THEM4: variants seen among roughly 807,000 people sequenced by gnomAD.
THEM4 encodes thioesterase superfamily member 4.
THEM4 carries 22 observed loss-of-function variants against 25.0 expected under a neutral mutation model. The ratio of observed to expected loss-of-function variants is 0.88; its 90% CI spans 0.63 to 1.26. The LOEUF (loss-of-function observed/expected upper bound fraction) is 1.26, where lower values mean the gene tolerates loss of function less well. Ranked by LOEUF, THEM4 falls within the 50% of genes most tolerant of loss-of-function variation. The pLI is 0.00. For missense variants in THEM4, 286 were observed against 300.3 expected, an observed-to-expected ratio of 0.95 and a Z score of 0.35; for synonymous variants, 113 against 105.6, an observed-to-expected ratio of 1.07 and a Z score of -0.43.
At chr1:151,907,063 G>A (rs1558195895) in intron 1 of THEM4, among the ~76,000 whole-genome samples, 1 of 152,070 alleles carries the variant, frequency 6.6e-6, no homozygotes, top group Non-Finnish European at 1.5e-5. Flanking sequence ...GGTCCACACT[G>A]CCTTTATGAG....
chr1:151,893,050 C>T lies in THEM4; in HGVS notation c.286+1958G>A, dbSNP rs900668641. ...TCAGCAACATGAAGGTCACTGGTAC[C>T]TTTGGCAAGAGCTGTTTTGAGGGAG... On this transcript the variant is annotated intron_variant, in intron 2 of 5. Transcript: ENST00000368814. Among the ~76,000 whole-genome samples, 28 of 152,136 alleles carry T rather than the reference C, an allele frequency of 1.8e-4. 1 individual carries two copies. Among genetic ancestry groups the T allele is most frequent in the Admixed American group, 9.2e-4 (14 of 15,270 alleles).
At chr1:151,887,477 A>G (rs1272395305) in intron 4 of THEM4, among the ~76,000 whole-genome samples, 1 of 151,808 alleles carries the variant, frequency 6.6e-6, no homozygotes, top group Non-Finnish European at 1.5e-5. Context: ...AAAAATCAAA[A>G]AGAATAAAAT....
At chr1:151,887,570 A>C (rs547839933) in intron 4 of THEM4, among the ~76,000 whole-genome samples, 89 of 152,258 alleles carry the variant, frequency 5.8e-4, no homozygotes, top group African/African-American at 2.1e-3. Context: ...TAAAGACACA[A>C]ATAAATGGAA....
At chr1:151,892,939 G>A (rs1572078959) in intron 2 of THEM4, among the ~76,000 whole-genome samples, 1 of 152,202 alleles carries the variant, frequency 6.6e-6, no homozygotes, top group African/African-American at 2.4e-5. Flanking sequence ...GGAGGCACCA[G>A]TGAAGTGGAG....
At chr1:151,891,975 A>C (rs1274712114) in intron 2 of THEM4, among the ~76,000 whole-genome samples, 2 of 151,852 alleles carry the variant, frequency 1.3e-5, no homozygotes, top group Non-Finnish European at 2.9e-5. Context: ...TTTTTTTTTG[A>C]GACAGAATCT....
chr1:151,885,665 T>C lies in THEM4; in HGVS notation c.557+2608A>G, dbSNP rs181886690. Among the ~76,000 whole-genome samples the C allele has an allele frequency of 2.6e-5, 4 of 152,370 alleles. No individual in the cohort carries two copies. The East Asian group carries it at 7.7e-4, about 29-fold the overall frequency. On this transcript the variant is annotated intron_variant, in intron 4 of 5. Transcript: ENST00000368814. ...AATCAGGAGCTTCTCAACTCATGTG[T>C]CATGAATGGGTCATTGGCATGCTGA...
chr1:151,877,082 C>G lies in THEM4; in HGVS notation c.601G>C (p.Asp201His), dbSNP rs779478428. 8.7e-6 allele frequency: 14 copies of G among 1,613,560 alleles called. No homozygotes were observed. In the East Asian group the frequency reaches 2.9e-4, roughly 33 times the overall value. Residue 201 changes from aspartate (D) to histidine (H), a missense_variant, in exon 5 of 6, where the codon GAT becomes CAT. By Grantham distance (81) the Asp-to-His change is moderately conservative. Coordinates refer to ENST00000368814, the MANE Select transcript of THEM4 (RefSeq NM_053055.5). ...CSVVMINSQL[D>H]KVEGRKFFVS... is the part of the protein sequence containing the mutation. Reference sequence around the variant, plus strand: ...AAAAATTTCCTTCCTTCAACTTTATCAAGTTGGCTATTTATCATAACAACA... The same window carrying G: ...AAAAATTTCCTTCCTTCAACTTTATGAAGTTGGCTATTTATCATAACAACA...
chr1:151,901,328 A>T (rs544698466), intron 1 of THEM4, among the ~76,000 whole-genome samples: 7 of 152,346 alleles, frequency 4.6e-5, no homozygotes, highest in African/African-American at 1.7e-4. Flanking sequence ...TTTAAACTAT[A>T]CCTTGGAACA....
Position 151,873,082 on chromosome 1 carries a change from T to C in THEM4, c.*1806A>G, listed in dbSNP as rs1014531921. Among the ~76,000 whole-genome samples, 9 of 152,170 alleles carry C rather than the reference T, an allele frequency of 5.9e-5. No homozygotes were observed. The highest frequency in any genetic ancestry group is 2.2e-4 in the African/African-American group (9 of 41,448). On this transcript the variant is annotated 3_prime_UTR_variant, in exon 6 of 6. Transcript: ENST00000368814. ...TCTGAGATAGGAGAAAACCACCCTG[T>C]GGCTGGAGCCAAGATACGCTGGCGG...
At chr1:151,907,564 T>G (rs1654499146) in intron 1 of THEM4, among the ~76,000 whole-genome samples, 1 of 152,162 alleles carries the variant, frequency 6.6e-6, no homozygotes, top group Non-Finnish European at 1.5e-5. Flanking sequence ...TGGGCCCAGC[T>G]TTTGGATGTT....
chr1:151,907,753 G>A lies in THEM4; in HGVS notation c.99+1607C>T, dbSNP rs554417553. On this transcript the variant is annotated intron_variant, in intron 1 of 5. Coordinates refer to ENST00000368814, the MANE Select transcript of THEM4 (RefSeq NM_053055.5). The stretch of plus-strand genomic sequence containing the variant: ...TCTTCTTTTTGGGGGGACAGCAACG[G>A]CACCTATTTTTCTTTTTACGATACT... Among the ~76,000 whole-genome samples the A allele has an allele frequency of 5.9e-5, 9 of 152,298 alleles. No individual in the cohort carries two copies. The South Asian group carries it at 1.7e-3, about 28-fold the overall frequency.
At chr1:151,891,751 T>C (rs1009808725) in intron 2 of THEM4, among the ~76,000 whole-genome samples, 7 of 152,022 alleles carry the variant, frequency 4.6e-5, no homozygotes, top group East Asian at 1.9e-4. Context: ...GAAAAGTTCA[T>C]AGGTGATGAG....
rs1253605909 is a variant in THEM4, at chr1:151,872,431, G to A, written c.*2457C>T. 6.6e-6 allele frequency among the ~76,000 whole-genome samples: 1 copy of A among 152,196 alleles called. No homozygotes were observed. The highest frequency in any genetic ancestry group is 2.4e-5 in the African/African-American group (1 of 41,450). On this transcript the variant is annotated 3_prime_UTR_variant, in exon 6 of 6. Transcript: ENST00000368814. The stretch of plus-strand genomic sequence containing the variant: ...AGCTTAAATTTCTAATATGGGGAAA[G>A]AAAGGAAAGAAATGGAAGCCCAAAT...
intron 5 of THEM4, 43 bp downstream of exon 5, chr1:151,876,957 CA>C (rs1261933157): frequency 6.4e-7 from 1 of 1,557,204 alleles, no homozygotes; most frequent in Non-Finnish European, 8.7e-7. Context: ...ACTCCCAACC[CA>C]ACCCAACTAA....
intron 4 of THEM4, among the ~76,000 whole-genome samples, chr1:151,881,803 A>C (rs961143618): frequency 2.6e-5 from 4 of 152,184 alleles, no homozygotes; most frequent in Non-Finnish European, 5.9e-5. Context: ...ATATACTTTT[A>C]AAACCTAGCT....
rs1261793521 is a variant in THEM4, at chr1:151,871,058, C to T, written c.*3830G>A. On this transcript the variant is annotated 3_prime_UTR_variant, in exon 6 of 6. Transcript: ENST00000368814. ...GAAGGAAACAGGTTGAGCAAGGTGG[C>T]TCATGCCTGTAATCCCAGTACTTTG... 6.6e-6 allele frequency among the ~76,000 whole-genome samples: 1 copy of T among 152,118 alleles called. No individual in the cohort carries two copies. Among genetic ancestry groups the T allele is most frequent in the Non-Finnish European group, 1.5e-5 (1 of 68,020 alleles).
At chr1:151,907,619 C>T (rs1654500534) in intron 1 of THEM4, among the ~76,000 whole-genome samples, 1 of 152,170 alleles carries the variant, frequency 6.6e-6, no homozygotes, top group Admixed American at 6.5e-5. Context: ...TCCTGTCTCA[C>T]CCCATGGCCT....
chr1:151,893,876 G>A (rs139294970), intron 2 of THEM4, among the ~76,000 whole-genome samples: 8 of 151,476 alleles, frequency 5.3e-5, no homozygotes, highest in African/African-American at 2.4e-5. Context: ...TTTTTGTAGG[G>A]GGGGAGACAG....
At chr1:151,890,060 C>T (rs889485620) in intron 2 of THEM4, 2 of 317,082 alleles carry the variant, frequency 6.3e-6, no homozygotes, top group South Asian at 4.9e-5. Context: ...GCGCCCACCA[C>T]CACGCCTGAC....
Sources: allele counts gnomAD v4.1 joint callset (sites outside exome capture counted in the v4.1 genomes callset), GRCh38; gene constraint gnomAD v4.1.1; transcripts MANE v1.5; gene names NCBI Gene and HGNC (gene_info 2026-07-23, HGNC 2026-07-21).